The following SLC44A1 variants were observed in gnomAD, a reference collection of about 807,000 sequenced individuals.
SLC44A1 encodes solute carrier family 44 member 1.
A neutral mutation model predicts 79.3 loss-of-function variants in SLC44A1; 26 were observed. The observed-to-expected ratio is 0.33, with a 90% CI of 0.24 to 0.46. The LOEUF (loss-of-function observed/expected upper bound fraction) is 0.46, where lower values mean the gene tolerates loss of function less well. Ranked by LOEUF, SLC44A1 falls within the 20% of genes least tolerant of loss-of-function variation. The pLI, the probability that SLC44A1 is intolerant of heterozygous loss-of-function variation, is 1.00. For missense variants in SLC44A1, 688 were observed against 798.1 expected (o/e 0.86, Z 1.66); for synonymous variants, 263 against 286.2 (o/e 0.92, Z 0.82).
intron 1 of SLC44A1, among the ~76,000 whole-genome samples, chr9:105,290,230 C>T (rs1225785769): frequency 6.6e-6 from 1 of 152,098 alleles, no homozygotes; most frequent in Admixed American, 6.6e-5. Flanking sequence ...CCAAAAAAGT[C>T]AATACACCCA....
chr9:105,314,065 T>G (rs941789437), intron 3 of SLC44A1, among the ~76,000 whole-genome samples: 11 of 152,098 alleles, frequency 7.2e-5, no homozygotes, highest in African/African-American at 2.4e-4. Flanking sequence ...CGCCCAGCCT[T>G]ATTACTAATA....
At chr9:105,335,514 A>C in intron 3 of SLC44A1, 49 bp from the exon 4 acceptor site, 1 of 1,506,748 alleles carries the variant, frequency 6.6e-7, no homozygotes. Flanking sequence ...GCAGGGACCC[A>C]CAATGTGTTT....
At chr9:105,421,884 G>A (rs1347764554) in intron 15 of SLC44A1, among the ~76,000 whole-genome samples, 1 of 152,214 alleles carries the variant, frequency 6.6e-6, no homozygotes, top group Non-Finnish European at 1.5e-5. Context: ...ACCGCGCCCA[G>A]CCAGGAATCT....
At chr9:105,325,486 T>C (rs1826544747) in intron 3 of SLC44A1, among the ~76,000 whole-genome samples, 1 of 152,238 alleles carries the variant, frequency 6.6e-6, no homozygotes, top group African/African-American at 2.4e-5. Context: ...GTTCTACATC[T>C]CATGAGAGCC....
Position 105,364,130 on chromosome 9 carries a change from TA to T in SLC44A1, c.1088-422del, listed in dbSNP as rs1470564630. Among the ~76,000 whole-genome samples, 5 of 152,308 alleles carry T rather than the reference TA, an allele frequency of 3.3e-5. No individual in the cohort carries two copies. The East Asian group carries it at 9.7e-4, about 29-fold the overall frequency. On this transcript the variant is annotated intron_variant, in intron 9 of 15. Coordinates refer to ENST00000374720, the MANE Select transcript of SLC44A1 (RefSeq NM_080546.5). Reference sequence around the variant, plus strand: ...ATTGTAAAGAGTATCATAAGGATAGTAAACTTTTATGTAACTATGTAACTTA... The same window carrying T: ...ATTGTAAAGAGTATCATAAGGATAGTAACTTTTATGTAACTATGTAACTTA...
intron 15 of SLC44A1, among the ~76,000 whole-genome samples, chr9:105,416,142 C>A (rs1829167936): frequency 6.6e-6 from 1 of 151,986 alleles, no homozygotes; most frequent in Non-Finnish European, 1.5e-5. Flanking sequence ...AAAGATCCAC[C>A]CATCTTGGCC....
intron 1 of SLC44A1, among the ~76,000 whole-genome samples, chr9:105,246,761 G>C (rs1367117640): frequency 6.6e-6 from 1 of 152,202 alleles, no homozygotes; most frequent in Non-Finnish European, 1.5e-5. Flanking sequence ...TGGATAGCTT[G>C]TTCAGTGCAT....
intron 2 of SLC44A1, among the ~76,000 whole-genome samples, chr9:105,307,837 T>C (rs1057327953): frequency 6.6e-6 from 1 of 152,126 alleles, no homozygotes; most frequent in African/African-American, 2.4e-5. Context: ...TTCTATGTCT[T>C]AGCATTGGGT....
chr9:105,427,068 TGGGA>T (rs1829332309), intron 15 of SLC44A1, among the ~76,000 whole-genome samples: 1 of 152,014 alleles, frequency 6.6e-6, no homozygotes, highest in African/African-American at 2.4e-5. Context: ...CTGGAGTAGC[TGGGA>T]CTACAGGCCC....
At chr9:105,430,109 T>C (rs1032819092) in intron 15 of SLC44A1, among the ~76,000 whole-genome samples, 2 of 152,104 alleles carry the variant, frequency 1.3e-5, no homozygotes, top group African/African-American at 4.8e-5. Flanking sequence ...GGTCCCTCTA[T>C]GTCTCCAGCT....
At chr9:105,311,871 CAGAA>C (rs1831190232) in intron 3 of SLC44A1, among the ~76,000 whole-genome samples, 1 of 152,142 alleles carries the variant, frequency 6.6e-6, no homozygotes, top group South Asian at 2.1e-4. Context: ...TGAAAACAGA[CAGAA>C]AAGCAGCAGT....
chr9:105,407,833 G>T (rs1829047641), intron 15 of SLC44A1, among the ~76,000 whole-genome samples: 1 of 151,646 alleles, frequency 6.6e-6, no homozygotes, highest in Non-Finnish European at 1.5e-5. Context: ...TCATGCCACT[G>T]CACTCCAGCC....
At chr9:105,387,060 A>AAAAAAAATATATATATATATAT (rs34780893) in intron 15 of SLC44A1, among the ~76,000 whole-genome samples, 1 of 7,714 alleles carries the variant, frequency 1.3e-4, no homozygotes, top group African/African-American at 4.1e-4. Flanking sequence ...AAAAAAAAAA[A>AAAAAAAATATATATATATATAT]ATATATATAT....
At chr9:105,306,972 C>G (rs1265592968) in intron 2 of SLC44A1, among the ~76,000 whole-genome samples, 1 of 152,138 alleles carries the variant, frequency 6.6e-6, no homozygotes, top group African/African-American at 2.4e-5. Context: ...TACTGGCATT[C>G]TCACTGTTCC....
At chr9:105,405,445 A>G (rs1186830742) in intron 15 of SLC44A1, among the ~76,000 whole-genome samples, 2 of 152,212 alleles carry the variant, frequency 1.3e-5, no homozygotes, top group Non-Finnish European at 2.9e-5. Flanking sequence ...AATTTTTACC[A>G]AATTCTAGAA....
rs566704617 is a variant in SLC44A1 at position 105,394,178 on chromosome 9, C to T, written c.*5122C>T. ...AATGAACCCAAGTCAAAAGGCTGCTCTAAAGTTGTTCTGATAATGTGTTTT... is the reference window on the plus strand; with the variant it reads ...AATGAACCCAAGTCAAAAGGCTGCTTTAAAGTTGTTCTGATAATGTGTTTT... On this transcript the variant is annotated 3_prime_UTR_variant, in exon 16 of 16. Transcript: ENST00000374720. The T allele has an allele frequency of 1.0e-6, 1 of 985,348 alleles. No individual in the cohort carries two copies. Among genetic ancestry groups the T allele is most frequent in the African/African-American group, 1.7e-5 (1 of 57,324 alleles). 61.0% of individuals were successfully genotyped at this position (985,348 alleles called of 1,614,324 possible).
At position 105,374,058 on chromosome 9, in the gene SLC44A1, C is replaced by T. The variant is rs76324301; in HGVS notation, c.1495-540C>T. 3.7e-3 allele frequency among the ~76,000 whole-genome samples: 566 copies of T among 152,234 alleles called. 6 individuals are homozygous for T. The highest frequency in any genetic ancestry group is 0.013 in the African/African-American group (553 of 41,524). On this transcript the variant is annotated intron_variant, in intron 12 of 15. Transcript: ENST00000374720. ...CTCAAAAAAGATTTAGGGTTCTGCT[C>T]CCAGGAAGAGTAGTGGTATAAAATG...
chr9:105,416,434 A>C (rs1222874838), intron 15 of SLC44A1, among the ~76,000 whole-genome samples: 1 of 152,110 alleles, frequency 6.6e-6, no homozygotes, highest in Non-Finnish European at 1.5e-5. Context: ...TCAGTGTAGC[A>C]ATAGAAGTGT....
chr9:105,259,930 T>A (rs994231165), intron 1 of SLC44A1, among the ~76,000 whole-genome samples: 6 of 152,192 alleles, frequency 3.9e-5, no homozygotes, highest in African/African-American at 1.4e-4. Flanking sequence ...AAACACTTAT[T>A]TATCTTGAGG....
Sources: allele counts gnomAD v4.1 joint callset (sites outside exome capture counted in the v4.1 genomes callset), GRCh38; gene constraint gnomAD v4.1.1; transcripts MANE v1.5; gene names NCBI Gene and HGNC (gene_info 2026-07-23, HGNC 2026-07-21).